ACSM2B: variants seen among roughly 807,000 people sequenced by gnomAD.
The protein encoded by ACSM2B is acyl-CoA synthetase medium chain family member 2B, also known as acyl-coenzyme A synthetase ACSM2B, mitochondrial.
Under a neutral mutation model 78.6 loss-of-function variants are expected in ACSM2B, and 58 were observed. That is an observed-to-expected ratio of 0.74 (90% CI 0.60 to 0.92). The LOEUF (loss-of-function observed/expected upper bound fraction) is 0.92, where lower values mean the gene tolerates loss of function less well. ACSM2B is among the 40% of genes least tolerant of loss of function. The pLI, the probability that ACSM2B is intolerant of heterozygous loss-of-function variation, is 0.00. For missense variants in ACSM2B, 688 were observed against 711.2 expected (o/e 0.97, Z 0.37); for synonymous variants, 257 against 256.8 (o/e 1.00, Z -0.01).
At chr16:20,554,051 C>T (rs2015396816) in intron 4 of ACSM2B, 131 bp from the exon 5 acceptor site, 3 of 1,223,214 alleles carry the variant, frequency 2.5e-6, no homozygotes, top group South Asian at 2.6e-5. Context: ...AGAGAGGCTG[C>T]TGAGTGATTA....
At chr16:20,571,076 G>A (rs866468464) in intron 1 of ACSM2B, among the ~76,000 whole-genome samples, 41 of 151,586 alleles carry the variant, frequency 2.7e-4, no homozygotes, top group African/African-American at 8.7e-4. Flanking sequence ...ATTTAGTTCT[G>A]CTCTGATCTT....
chr16:20,545,361 T>C (rs926684596), intron 9 of ACSM2B, 103 bp from the exon 10 acceptor site: 3 of 1,348,814 alleles, frequency 2.2e-6, no homozygotes, highest in African/African-American at 2.9e-5. Flanking sequence ...TCTCTTGCTC[T>C]AGTGGAGACT....
chr16:20,554,041 A>T, intron 4 of ACSM2B, 121 bp from the exon 5 acceptor site: 2 of 1,244,844 alleles, frequency 1.6e-6, no homozygotes, highest in Non-Finnish European at 2.3e-6. Context: ...CCACCTCACA[A>T]GAGAGGCTGC....
chr16:20,551,909 C>T (rs1397741318), intron 6 of ACSM2B, among the ~76,000 whole-genome samples: 2 of 152,072 alleles, frequency 1.3e-5, no homozygotes, highest in Non-Finnish European at 2.9e-5. Context: ...AACAAATGAC[C>T]TACAATATCT....
At chr16:20,559,907 G>A (rs754993640) in intron 2 of ACSM2B, among the ~76,000 whole-genome samples, 19 of 150,884 alleles carry the variant, frequency 1.3e-4, no homozygotes, top group African/African-American at 3.5e-4. Context: ...TCTGGAAAAT[G>A]CTATTGTATA....
intron 1 of ACSM2B, among the ~76,000 whole-genome samples, chr16:20,568,133 C>T (rs915017376): frequency 1.2e-4 from 17 of 141,020 alleles, no homozygotes; most frequent in African/African-American, 3.3e-4. Context: ...ATATGTTATA[C>T]GTTCATGAGC....
chr16:20,559,882 T>C (rs1249646412), intron 2 of ACSM2B, among the ~76,000 whole-genome samples: 1 of 151,076 alleles, frequency 6.6e-6, no homozygotes, highest in African/African-American at 2.5e-5. Flanking sequence ...CTGTTGTGAG[T>C]ACCAACATGT....
chr16:20,545,528 C>T (rs117141696), intron 9 of ACSM2B, among the ~76,000 whole-genome samples: 4,267 of 152,200 alleles, frequency 0.028, 98 homozygotes, highest in Non-Finnish European at 0.041. Flanking sequence ...AAAATAATAG[C>T]CTCCTCTTAC....
At chr16:20,566,871 A>G (rs1345073277) in intron 1 of ACSM2B, among the ~76,000 whole-genome samples, 2 of 124,434 alleles carry the variant, frequency 1.6e-5, no homozygotes, top group African/African-American at 6.0e-5. Flanking sequence ...ACTATAGTAT[A>G]TCTCTATATA....
At chr16:20,573,043 C>T (rs1179195318) in intron 1 of ACSM2B, among the ~76,000 whole-genome samples, 1 of 149,970 alleles carries the variant, frequency 6.7e-6, no homozygotes, top group Non-Finnish European at 1.5e-5. Flanking sequence ...AATAATTGCC[C>T]TTCTGAATAC....
chr16:20,558,665 T>A (rs903236019), intron 3 of ACSM2B, among the ~76,000 whole-genome samples: 2 of 152,178 alleles, frequency 1.3e-5, no homozygotes, highest in African/African-American at 2.4e-5. Context: ...TCATATTGGT[T>A]AATTCAAGTC....
chr16:20,544,696 G>A (rs1407335155), intron 10 of ACSM2B: 1 of 985,300 alleles, frequency 1.0e-6, no homozygotes, highest in African/African-American at 1.7e-5. Flanking sequence ...CAGATTCAAG[G>A]ATTATCTGTC....
intron 1 of ACSM2B, among the ~76,000 whole-genome samples, chr16:20,569,157 G>A (rs377417354): frequency 8.6e-5 from 13 of 151,810 alleles, no homozygotes; most frequent in African/African-American, 2.7e-4. Context: ...GTCTACAAGG[G>A]TTTTTCTGAT....
intron 12 of ACSM2B, 73 bp from the exon 13 acceptor site, chr16:20,540,846 G>C (rs549598477): frequency 1.9e-6 from 3 of 1,567,020 alleles, no homozygotes; most frequent in Non-Finnish European, 2.6e-6. Flanking sequence ...TGTGAAATTA[G>C]CATTAAGACT....
intron 1 of ACSM2B, among the ~76,000 whole-genome samples, chr16:20,566,597 ATG>A: frequency 1.1e-5 from 1 of 92,916 alleles, no homozygotes; most frequent in Non-Finnish European, 1.9e-5. Flanking sequence ...AATATATAAT[ATG>A]TATATATCTA....
intron 1 of ACSM2B, among the ~76,000 whole-genome samples, chr16:20,566,915 G>C (rs2015912525): frequency 8.0e-6 from 1 of 125,090 alleles, no homozygotes; most frequent in Admixed American, 1.0e-4. Context: ...TAATAGTATA[G>C]TTATATATAT....
In ACSM2B at chr16:20,536,724, A is replaced by G. The variant is rs1280765377; in HGVS notation, c.*534T>C. On this transcript the variant is annotated 3_prime_UTR_variant, in exon 14 of 14. Transcript: ENST00000329697. ...TTCCTGTCTTCCATGACTTTTCTTT[A>G]TCAGTTTCTTTTACTATTTTTATTT... The G allele has an allele frequency of 3.3e-5, 5 of 150,306 alleles. No homozygotes were observed. The highest frequency in any genetic ancestry group is 1.2e-4 in the African/African-American group (5 of 40,760). The allele number at this position is 150,306 out of a possible 1,614,324, so 9.3% of individuals were successfully genotyped here.
chr16:20,544,503 C>T, intron 10 of ACSM2B: 1 of 857,510 alleles, frequency 1.2e-6, no homozygotes, highest in Non-Finnish European at 1.4e-6. Context: ...TCATGGTATG[C>T]ATTCAATAAA....
rs773740610 is a variant in ACSM2B at position 20,545,180 on chromosome 16, T to C, written c.1258A>G (p.Ile420Val). Reference protein sequence around the residue: ...IGIRVKPIRPIGIFSGYVENP... With the variant: ...IGIRVKPIRPVGIFSGYVENP... The stretch of plus-strand genomic sequence containing the variant: ...ACCACATAGCCAGAGAAGATGCCTA[T>C]AGGCCTGATGGGTTTGACCCTGATG... Residue 420 changes from isoleucine to valine, a missense_variant, in exon 10 of 14, where the codon ATA (isoleucine) becomes GTA (valine). Coordinates refer to ENST00000329697, the MANE Select transcript of ACSM2B (RefSeq NM_001105069.2). The C allele has an allele frequency of 1.2e-6, 2 of 1,613,746 alleles. No homozygotes were observed. Among genetic ancestry groups the C allele is most frequent in the South Asian group, 2.2e-5 (2 of 90,998 alleles).
Sources: allele counts gnomAD v4.1 joint callset (sites outside exome capture counted in the v4.1 genomes callset), GRCh38; gene constraint gnomAD v4.1.1; transcripts MANE v1.5; gene names NCBI Gene and HGNC (gene_info 2026-07-23, HGNC 2026-07-21).